The following TMEM120A variants were observed in gnomAD, a reference collection of about 807,000 sequenced individuals.
The protein encoded by TMEM120A is transmembrane protein 120A, also known as ion channel TACAN.
In TMEM120A, 45 loss-of-function variants were observed where a neutral mutation model predicts 54.3. The observed-to-expected ratio is 0.83, with a 90% CI of 0.65 to 1.06. The LOEUF is 1.06. Ranked by LOEUF, TMEM120A falls within the 50% of genes least tolerant of loss-of-function variation. The pLI is 0.00. For synonymous variants in TMEM120A, 204 were observed against 178.5 expected, an observed-to-expected ratio of 1.14 and a Z score of -1.14; for missense variants, 424 against 441.7, an observed-to-expected ratio of 0.96 and a Z score of 0.36.
chr7:75,988,554 G>A (rs1432517796), intron 4 of TMEM120A, 38 bp from the exon 5 acceptor site: 2 of 1,496,696 alleles, frequency 1.3e-6, no homozygotes, highest in African/African-American at 1.5e-5. Flanking sequence ...TGGGGTGCTG[G>A]TGGGGCCCAT....
At chr7:75,991,696 G>T (rs574689002) in intron 3 of TMEM120A, among the ~76,000 whole-genome samples, 1 of 152,022 alleles carries the variant, frequency 6.6e-6, no homozygotes, top group Non-Finnish European at 1.5e-5. Flanking sequence ...GAGCCACCGC[G>T]CCCAGCCTAT....
intron 9 of TMEM120A, 21 bp downstream of exon 9, chr7:75,987,697 C>G: frequency 6.2e-7 from 1 of 1,611,038 alleles, no homozygotes; most frequent in Non-Finnish European, 8.5e-7. Flanking sequence ...TGTCCAGATG[C>G]CAGGGCCACT....
chr7:75,993,938 G>A (rs1195989854), intron 1 of TMEM120A, among the ~76,000 whole-genome samples: 3 of 152,016 alleles, frequency 2.0e-5, no homozygotes, highest in Admixed American at 6.5e-5. Flanking sequence ...TCCCTGCAGG[G>A]CCTAGCCCCG....
intron 3 of TMEM120A, among the ~76,000 whole-genome samples, chr7:75,989,628 A>G (rs1036427164): frequency 6.6e-6 from 1 of 151,516 alleles, no homozygotes; most frequent in East Asian, 2.0e-4. Flanking sequence ...CTGCAGTACT[A>G]GGTTCCACTT....
Position 75,987,278 on chromosome 7 carries a change from A to G in TMEM120A, c.926T>C (p.Met309Thr). 5.6e-6 allele frequency: 9 copies of G among 1,600,226 alleles called. No individual in the cohort carries two copies. Among genetic ancestry groups the G allele is most frequent in the Non-Finnish European group, 6.8e-6 (8 of 1,174,210 alleles). ...DPQCKEWQVL[M>T]CGFPFLLLFL... ...AAGGAGGAGGAAGGGAAAGCCGCAC[A>G]TAAGCACCTGCCGGAGGAATAGGGT... The change falls in exon 12 of 12, where the codon ATG becomes ACG. Residue 309 changes from methionine (M) to threonine (T), a missense_variant. Transcript: ENST00000493111.
chr7:75,988,062 T>TGCCGGGGCCCAGCCACTCACCACGTCA (rs1554560528), intron 7 of TMEM120A, 21 bp downstream of exon 7: 1 of 1,602,024 alleles, frequency 6.2e-7, no homozygotes, highest in Non-Finnish European at 8.5e-7. Context: ...CTCCTGCCCC[T>TGCCGGGGCCCAGCCACTCACCACGTCA]GCCGGGGCCC....
Position 75,986,842 on chromosome 7 carries a change from T to G in TMEM120A, c.*330A>C, listed in dbSNP as rs782080058. 28 of 572,850 alleles carry G rather than the reference T, an allele frequency of 4.9e-5. No homozygotes were observed. Among genetic ancestry groups the G allele is most frequent in the Non-Finnish European group, 7.4e-5 (24 of 325,738 alleles). The allele number at this position is 572,850 out of a possible 1,614,324, so 35.5% of individuals were successfully genotyped here. Reference sequence around the variant, plus strand: ...ATAACCTCTGGCCCTTGGAATAAAGTTCTGTTTTCTGTATTTGCCTGGTAT... The same window carrying G: ...ATAACCTCTGGCCCTTGGAATAAAGGTCTGTTTTCTGTATTTGCCTGGTAT... On this transcript the variant is annotated 3_prime_UTR_variant, in exon 12 of 12. Transcript: ENST00000493111.
At chr7:75,991,937 C>A (rs1423915672) in intron 3 of TMEM120A, among the ~76,000 whole-genome samples, 4 of 152,188 alleles carry the variant, frequency 2.6e-5, no homozygotes, top group African/African-American at 7.2e-5. Context: ...CCTCACTGTG[C>A]CACCTCATTC....
At position 75,988,214 on chromosome 7, in the gene TMEM120A, A is replaced by G. The variant is rs142196931; in HGVS notation, c.563+38T>C. 241 of 1,611,826 alleles carry G rather than the reference A, an allele frequency of 1.5e-4. No homozygotes were observed. In the African/African-American group the frequency reaches 2.9e-3, roughly 20 times the overall value. ...GCTTCCCGGAGGGTCCTGGCACCCC[A>G]TTCCATGCTCCCCTCCCTCAGGGCC... On this transcript the variant is annotated intron_variant, in intron 6 of 11. Transcript: ENST00000493111.
intron 3 of TMEM120A, among the ~76,000 whole-genome samples, chr7:75,991,678 A>G (rs1789848820): frequency 2.0e-5 from 3 of 152,182 alleles, no homozygotes; most frequent in African/African-American, 7.2e-5. Flanking sequence ...TGCTGGGATT[A>G]CAGGCATGAG....
Position 75,992,082 on chromosome 7 carries a change from G to A in TMEM120A, c.317+62C>T, listed in dbSNP as rs912581815. The stretch of plus-strand genomic sequence containing the variant: ...TTGCTGACTATAATGACCAAGAGGA[G>A]GCAGCACCCGGCTTCAGGAGTGGCT... On this transcript the variant is annotated intron_variant, in intron 3 of 11. Coordinates refer to ENST00000493111, the MANE Select transcript of TMEM120A (RefSeq NM_031925.3). 4 of 1,214,684 alleles carry A rather than the reference G, an allele frequency of 3.3e-6. No individual in the cohort carries two copies. In the African/African-American group the frequency reaches 6.1e-5, roughly 18 times the overall value. The allele number at this position is 1,214,684 out of a possible 1,614,324, so 75.2% of individuals were successfully genotyped here. A position where few individuals can be genotyped will look rare whatever the true frequency, so the allele number is the denominator to read the frequency against.
chr7:75,990,303 G>GGGGAGCACTATGCC (rs1243296739), intron 3 of TMEM120A, among the ~76,000 whole-genome samples: 1 of 152,086 alleles, frequency 6.6e-6, no homozygotes, highest in Non-Finnish European at 1.5e-5. Context: ...CCTGCTCTAT[G>GGGGAGCACTATGCC]GGGAGCACTA....
chr7:75,994,457 C>A, intron 1 of TMEM120A, 33 bp downstream of exon 1: 1 of 1,543,542 alleles, frequency 6.5e-7, no homozygotes, highest in South Asian at 1.2e-5. Flanking sequence ...AGACGCGGCT[C>A]GGGGGCGACC....
intron 3 of TMEM120A, 80 bp from the exon 4 acceptor site, chr7:75,989,304 G>T: frequency 1.0e-6 from 1 of 962,790 alleles, no homozygotes. Flanking sequence ...TGCCAGGCCA[G>T]AGCCTGGGCC....
Position 75,989,240 on chromosome 7 carries a change from G to A in TMEM120A, c.318-16C>T. On this transcript the variant is annotated splice_polypyrimidine_tract_variant and intron_variant, in intron 3 of 11. Coordinates refer to ENST00000493111, the MANE Select transcript of TMEM120A (RefSeq NM_031925.3). ...CAGGTACAATCTAGGGAAGGGGGTGGCGGGGTGAGGAGAAGCCCGAGTGAC... is the reference window on the plus strand; with the variant it reads ...CAGGTACAATCTAGGGAAGGGGGTGACGGGGTGAGGAGAAGCCCGAGTGAC... 1.3e-6 allele frequency: 2 copies of A among 1,545,378 alleles called. No homozygotes were observed. The highest frequency in any genetic ancestry group is 1.7e-4 in the Middle Eastern group (1 of 5,886).
At chr7:75,994,361 G>T in intron 1 of TMEM120A, 129 bp downstream of exon 1, 1 of 769,256 alleles carries the variant, frequency 1.3e-6, no homozygotes, top group Non-Finnish European at 2.1e-6. Flanking sequence ...CGCCCCCCTT[G>T]GCAGTGACGC....
intron 3 of TMEM120A, among the ~76,000 whole-genome samples, chr7:75,990,897 CA>C (rs782090391): frequency 0.082 from 3,763 of 45,636 alleles, 126 homozygotes; most frequent in African/African-American, 0.23. Flanking sequence ...GACTCTGTCT[CA>C]AAAAAAAAAA....
At position 75,992,653 on chromosome 7, in the gene TMEM120A, G is replaced by A. The variant is rs1253361885; in HGVS notation, c.82-96C>T. On this transcript the variant is annotated intron_variant, in intron 1 of 11. Coordinates refer to ENST00000493111, the MANE Select transcript of TMEM120A (RefSeq NM_031925.3). Reference sequence around the variant, plus strand: ...GCGCTCAGGCTCCCCCAGGGCTGCTGGGAGGGTTTCGCTCAGCGGGAAAGG... The same window carrying A: ...GCGCTCAGGCTCCCCCAGGGCTGCTAGGAGGGTTTCGCTCAGCGGGAAAGG... 7 of 880,502 alleles carry A rather than the reference G, an allele frequency of 8.0e-6. No individual in the cohort carries two copies. In the African/African-American group the frequency reaches 1.2e-4, roughly 15 times the overall value. The allele number at this position is 880,502 out of a possible 1,614,324, so 54.5% of individuals were successfully genotyped here. A position where few individuals can be genotyped will look rare whatever the true frequency, so the allele number is the denominator to read the frequency against.
chr7:75,988,160 A>C lies in TMEM120A; in HGVS notation c.564-12T>G, dbSNP rs368049231. 5.0e-6 allele frequency: 8 copies of C among 1,610,926 alleles called. No homozygotes were observed. In the African/African-American group the frequency reaches 9.3e-5, roughly 19 times the overall value. ...ACCAGCCTTTGATCCTGGAGCAGAG[A>C]GCCACCATCACCCCCAGCGCCTGTT... On this transcript the variant is annotated splice_polypyrimidine_tract_variant and intron_variant, in intron 6 of 11. Coordinates refer to ENST00000493111, the MANE Select transcript of TMEM120A (RefSeq NM_031925.3).
Sources: allele counts gnomAD v4.1 joint callset (sites outside exome capture counted in the v4.1 genomes callset), GRCh38; gene constraint gnomAD v4.1.1; transcripts MANE v1.5; gene names NCBI Gene and HGNC (gene_info 2026-07-23, HGNC 2026-07-21).